CFAP46: variants seen among roughly 807,000 people sequenced by gnomAD.
The protein encoded by CFAP46 is cilia- and flagella-associated protein 46.
Under a neutral mutation model 325.7 loss-of-function variants are expected in CFAP46, and 245 were observed. That is an observed-to-expected ratio of 0.75 (90% CI 0.68 to 0.84). The LOEUF is 0.84. CFAP46 is among the 40% of genes least tolerant of loss of function. The pLI is 0.00. For missense variants in CFAP46, 3,346 were observed against 3,543.0 expected, an observed-to-expected ratio of 0.94 and a Z score of 1.41; for synonymous variants, 1,523 against 1,495.9, an observed-to-expected ratio of 1.02 and a Z score of -0.42.
rs989495887 is a variant in CFAP46 at position 132,877,244 on chromosome 10, C to G, written c.4213-283G>C. On this transcript the variant is annotated intron_variant, in intron 30 of 57. Transcript: ENST00000368586. The surrounding 1 kb of genome is among the most constrained non-coding windows in gnomAD (Gnocchi z 5.7). ...TCTGCAGCCTCTGCCTCCTGCGTCT[C>G]CCCTCAGTGACAGCTGGCTGGTGAG... Among the ~76,000 whole-genome samples, 6 of 152,176 alleles carry G rather than the reference C, an allele frequency of 3.9e-5. No individual in the cohort carries two copies. The highest frequency in any genetic ancestry group is 3.9e-4 in the Admixed American group (6 of 15,290).
At chr10:132,836,049 T>G in intron 46 of CFAP46, 93 bp downstream of exon 46, 1 of 147,012 alleles carries the variant, frequency 6.8e-6, no homozygotes, top group Middle Eastern at 2.1e-3. Context: ...ACCTCTCACC[T>G]CCCCCTCCCG....
intron 50 of CFAP46, among the ~76,000 whole-genome samples, chr10:132,833,034 G>A (rs558416928): frequency 1.5e-4 from 23 of 151,586 alleles, no homozygotes; most frequent in African/African-American, 4.1e-4. Context: ...GTGCAGTGGC[G>A]CCATCTCAGC....
intron 23 of CFAP46, 83 bp from the exon 24 acceptor site, chr10:132,899,204 C>G: frequency 1.5e-5 from 21 of 1,429,790 alleles, no homozygotes; most frequent in Non-Finnish European, 2.0e-5. Context: ...GAAGGTCGGG[C>G]GCCCAGGGCC....
chr10:132,912,847 C>A lies in CFAP46; in HGVS notation c.2334-27G>T, dbSNP rs755205430. 3.0e-5 allele frequency: 47 copies of A among 1,544,868 alleles called. No homozygotes were observed. In the African/African-American group the frequency reaches 4.4e-4, roughly 14 times the overall value. ...TGGGAGACATGCTTGTCAGAGGGAA[C>A]CTTGGCCCCCGCAGGCCTCGCCCCG... On this transcript the variant is annotated intron_variant, in intron 18 of 57. Transcript: ENST00000368586.
At position 132,869,355 on chromosome 10, in the gene CFAP46, G is replaced by A; in HGVS notation, c.4529C>T (p.Ser1510Phe). ...GGCTGCTTCTCTCAGCTTCAGCTCG[G>A]AGCACGCGTGGGCGAGGCTGTGGGG... ...LYHLRLAHACSELKLREAAAR... is the reference protein window; with the variant it reads ...LYHLRLAHACFELKLREAAAR... The change falls in exon 33 of 58, where the codon TCC becomes TTC. Residue 1510 changes from serine to phenylalanine, a missense_variant. Coordinates refer to ENST00000368586, the MANE Select transcript of CFAP46 (RefSeq NM_001200049.3). This position sits in a 1 kb window ranked among gnomAD's most constrained non-coding sequence, Gnocchi z 6.2. 1 of 1,534,850 alleles carries A rather than the reference G, an allele frequency of 6.5e-7. No homozygotes were observed. The highest frequency in any genetic ancestry group is 8.7e-7 in the Non-Finnish European group (1 of 1,143,484).
Position 132,909,124 on chromosome 10 carries a change from TG to T in CFAP46, c.2757+12del. 6.5e-7 allele frequency: 1 copy of T among 1,541,956 alleles called. No individual in the cohort carries two copies. ...TTGGCCCCTGGCCTCCCGGGACCCC[TG>T]GGGACACCTACCTGGGCCAGGGAGG... is the stretch of plus-strand genomic sequence containing the variant. On this transcript the variant is annotated intron_variant, in intron 21 of 57. Coordinates refer to ENST00000368586, the MANE Select transcript of CFAP46 (RefSeq NM_001200049.3).
At chr10:132,895,359 A>G (rs551557714) in intron 24 of CFAP46, among the ~76,000 whole-genome samples, 6 of 152,358 alleles carry the variant, frequency 3.9e-5, no homozygotes, top group African/African-American at 1.2e-4. Context: ...GTCACATGCA[A>G]TGGTGAGGCT....
Position 132,817,545 on chromosome 10 carries a change from A to G in CFAP46, c.7118-2631T>C, listed in dbSNP as rs956487193. 6.6e-6 allele frequency among the ~76,000 whole-genome samples: 1 copy of G among 152,224 alleles called. No homozygotes were observed. The highest frequency in any genetic ancestry group is 2.4e-5 in the African/African-American group (1 of 41,464). The stretch of plus-strand genomic sequence containing the variant: ...ACCAGCTGTTGGATTTGATTGAGGT[A>G]ACCGGCCCCTTCGTCTTCCTCATTC... On this transcript the variant is annotated intron_variant, in intron 50 of 57. Coordinates refer to ENST00000368586, the MANE Select transcript of CFAP46 (RefSeq NM_001200049.3). The surrounding 1 kb of genome is among the most constrained non-coding windows in gnomAD (Gnocchi z 4.4).
chr10:132,824,346 T>C (rs1294586921), intron 50 of CFAP46, among the ~76,000 whole-genome samples: 1 of 136,550 alleles, frequency 7.3e-6, no homozygotes, highest in Non-Finnish European at 1.6e-5. Context: ...TGCTGTGTGC[T>C]GTGTGAGCGC....
At chr10:132,901,727 T>C (rs1221252221) in intron 22 of CFAP46, among the ~76,000 whole-genome samples, 3 of 152,242 alleles carry the variant, frequency 2.0e-5, no homozygotes, top group Non-Finnish European at 2.9e-5. Context: ...TTTACCATTT[T>C]TGGTGTTTTT....
In CFAP46 at chr10:132,927,309, G is replaced by A. The variant is rs376126817; in HGVS notation, c.967-643C>T. On this transcript the variant is annotated intron_variant, in intron 9 of 57. Transcript: ENST00000368586. ...CTATCAGACACAGACGTCCCGGGGA[G>A]CAGGTCCTCGGCGGCAGACGCCTCC... 1.8e-4 allele frequency among the ~76,000 whole-genome samples: 27 copies of A among 151,048 alleles called. 1 individual carries two copies. In the East Asian group the frequency reaches 5.2e-3, roughly 29 times the overall value.
Position 132,937,653 on chromosome 10 carries a change from G to A in CFAP46, c.559C>T (p.Gln187Ter). ...LMLELLECYL[Q>*]AGRKEEAARF... ...GCAGCCTCCTCCTTTCTTCCGGCTT[G>A]CAGATAACACTCCAGAAGTTCCCTG... The change falls in exon 6 of 58, where the codon CAA becomes TAA. Residue 187 changes from glutamine to a stop codon, truncating the protein, a stop_gained. Transcript: ENST00000368586. LOFTEE classifies it high-confidence loss of function. 1 of 1,611,622 alleles carries A rather than the reference G, an allele frequency of 6.2e-7. No homozygotes were observed. The highest frequency in any genetic ancestry group is 8.5e-7 in the Non-Finnish European group (1 of 1,179,008).
In CFAP46 at chr10:132,860,762, C is replaced by T. The variant is rs1471095209; in HGVS notation, c.5091+20G>A. ...TGGCCCGGCACCCGACATGCAGCCCCAGGTCCCCGTGCCTCTTACCGTAGC... is the reference window on the plus strand; with the variant it reads ...TGGCCCGGCACCCGACATGCAGCCCTAGGTCCCCGTGCCTCTTACCGTAGC... On this transcript the variant is annotated intron_variant, in intron 36 of 57. Coordinates refer to ENST00000368586, the MANE Select transcript of CFAP46 (RefSeq NM_001200049.3). The T allele has an allele frequency of 3.9e-6, 6 of 1,549,346 alleles. No individual in the cohort carries two copies. The highest frequency in any genetic ancestry group is 5.2e-6 in the Non-Finnish European group (6 of 1,146,300).
intron 24 of CFAP46, among the ~76,000 whole-genome samples, chr10:132,893,627 C>T (rs1382555002): frequency 6.6e-6 from 1 of 152,196 alleles, no homozygotes; most frequent in Non-Finnish European, 1.5e-5. Context: ...ACAAGGACCC[C>T]GTCTTTAGCT....
rs370006209 is a variant in CFAP46, at chr10:132,817,734, CTG to C, written c.7118-2822_7118-2821del. On this transcript the variant is annotated intron_variant, in intron 50 of 57. Coordinates refer to ENST00000368586, the MANE Select transcript of CFAP46 (RefSeq NM_001200049.3). This position sits in a 1 kb window ranked among gnomAD's most constrained non-coding sequence, Gnocchi z 4.4. The stretch of plus-strand genomic sequence containing the variant: ...ACCGGCAGCCCGGCTTTCAGTGACT[CTG>C]TGGTGAGGGTTCTGTTAGTTTGTGT... Among the ~76,000 whole-genome samples the C allele has an allele frequency of 2.8e-3, 434 of 152,350 alleles. 3 individuals are homozygous for C. The highest frequency in any genetic ancestry group is 9.9e-3 in the African/African-American group (410 of 41,592).
chr10:132,899,010 AC>A lies in CFAP46; in HGVS notation c.3167del (p.Gly1056ValfsTer3). ...TGATGCCGATGAGCCTCTTCAGGGCACCCTTGGCCTTCTTCCTGTAGACGGC... is the reference window on the plus strand; with the variant it reads ...TGATGCCGATGAGCCTCTTCAGGGCACCTTGGCCTTCTTCCTGTAGACGGC... ...SSAVYRKKAK[G>X]ALKRLIGIIN... On this transcript the variant is annotated frameshift_variant, in exon 24 of 58. Coordinates refer to ENST00000368586, the MANE Select transcript of CFAP46 (RefSeq NM_001200049.3). LOFTEE classifies it high-confidence loss of function. 6.4e-7 allele frequency: 1 copy of A among 1,550,520 alleles called. No homozygotes were observed. Among genetic ancestry groups the A allele is most frequent in the Non-Finnish European group, 8.7e-7 (1 of 1,146,964 alleles).
Position 132,812,915 on chromosome 10 carries a change from C to T in CFAP46, c.7389-18G>A, listed in dbSNP as rs755988414. On this transcript the variant is annotated intron_variant, in intron 54 of 57. Transcript: ENST00000368586. ...GGGCCTGGCTGCAGAGAGAGGAGAG[C>T]GCTGGTCAACAGTGCCCATGCACCT... 3.1e-6 allele frequency: 5 copies of T among 1,591,818 alleles called. No individual in the cohort carries two copies. Among genetic ancestry groups the T allele is most frequent in the Non-Finnish European group, 3.4e-6 (4 of 1,169,000 alleles).
Position 132,924,712 on chromosome 10 carries a change from G to A in CFAP46, c.1240C>T (p.Leu414=). ...GCGCCCCACCTGTCCAGCTTCTCCA[G>A]CACGTCCGCAACGCCAGCCAGGGGC... ...RKPLAGVADV[L]EKLDSLMTLL... is the part of the protein sequence containing the mutation. Residue 414 remains leucine (L), a synonymous_variant, in exon 11 of 58, where the codon CTG becomes TTG. Coordinates refer to ENST00000368586, the MANE Select transcript of CFAP46 (RefSeq NM_001200049.3). The A allele has an allele frequency of 2.0e-6, 3 of 1,535,084 alleles. No individual in the cohort carries two copies. Among genetic ancestry groups the A allele is most frequent in the African/African-American group, 1.4e-5 (1 of 71,934 alleles).
Position 132,897,385 on chromosome 10 carries a change from G to A in CFAP46, c.3219+1574C>T, listed in dbSNP as rs145531676. Among the ~76,000 whole-genome samples, 159 of 152,346 alleles carry A rather than the reference G, an allele frequency of 1.0e-3. 1 individual carries two copies. The highest frequency in any genetic ancestry group is 1.8e-3 in the Non-Finnish European group (125 of 68,034). ...GCTGAGGGATTAATATGCAGGCTCT[G>A]TCCTGAGGCTCTCTGGCATGAACCT... On this transcript the variant is annotated intron_variant, in intron 24 of 57. Coordinates refer to ENST00000368586, the MANE Select transcript of CFAP46 (RefSeq NM_001200049.3).
Sources: allele counts gnomAD v4.1 joint callset (sites outside exome capture counted in the v4.1 genomes callset), GRCh38; gene constraint gnomAD v4.1.1; non-coding constraint Gnocchi (gnomAD v3.1); transcripts MANE v1.5; gene names NCBI Gene and HGNC (gene_info 2026-07-23, HGNC 2026-07-21).